The following NEIL3 variants were observed in gnomAD, a reference collection of about 807,000 sequenced individuals.
NEIL3 encodes the protein endonuclease 8-like 3.
NEIL3 carries 48 observed loss-of-function variants against 57.5 expected under a neutral mutation model. The observed-to-expected ratio is 0.83, with a 90% confidence interval of 0.66 to 1.06. The LOEUF (loss-of-function observed/expected upper bound fraction) is 1.06. Ranked by LOEUF, NEIL3 falls within the 50% of genes least tolerant of loss-of-function variation. The pLI is 0.00. For missense variants in NEIL3, 717 were observed against 739.1 expected (o/e 0.97, Z 0.35); for synonymous variants, 261 against 253.2 (o/e 1.03, Z -0.29).
chr4:177,310,933 A>G (rs900177354), intron 1 of NEIL3, among the ~76,000 whole-genome samples: 5 of 152,262 alleles, frequency 3.3e-5, no homozygotes, highest in African/African-American at 1.2e-4. Flanking sequence ...GCATATGCTT[A>G]CAACTTGAAA....
intron 1 of NEIL3, among the ~76,000 whole-genome samples, chr4:177,318,581 C>A (rs535324231): frequency 6.6e-6 from 1 of 152,230 alleles, no homozygotes; most frequent in East Asian, 1.9e-4. Context: ...TCCTCTTGTT[C>A]TCTGGGCCAT....
At chr4:177,367,801 C>T (rs1038504914), downstream of NEIL3, among the ~76,000 whole-genome samples, 3 of 152,186 alleles carry the variant, frequency 2.0e-5, no homozygotes, top group Admixed American at 6.5e-5. Context: ...ACAGTGATTT[C>T]GAGAGCCACT....
intron 1 of NEIL3, among the ~76,000 whole-genome samples, chr4:177,317,009 A>G (rs950865777): frequency 1.3e-5 from 2 of 152,190 alleles, no homozygotes; most frequent in Non-Finnish European, 2.9e-5. Flanking sequence ...ATTCTTAAAC[A>G]TATTCAAGCC....
chr4:177,314,776 G>T (rs1734541634), intron 1 of NEIL3, among the ~76,000 whole-genome samples: 1 of 151,996 alleles, frequency 6.6e-6, no homozygotes, highest in Non-Finnish European at 1.5e-5. Flanking sequence ...AGAGATCTCT[G>T]ATTAAAAAGT....
chr4:177,320,871 G>A lies in NEIL3; in HGVS notation c.157-1588G>A, dbSNP rs17064622. 4.5e-3 allele frequency among the ~76,000 whole-genome samples: 689 copies of A among 151,964 alleles called. 14 individuals carry two copies. The East Asian group carries it at 0.066, about 14-fold the overall frequency. ...AAAGGAGGGATATATAAAGCCAGTC[G>A]CCTGAACTTCAGGCAGTTGGAAAAT... On this transcript the variant is annotated intron_variant, in intron 1 of 9. Transcript: ENST00000264596.
chr4:177,310,686 A>G (rs574793887), intron 1 of NEIL3, among the ~76,000 whole-genome samples: 1 of 152,352 alleles, frequency 6.6e-6, no homozygotes, highest in East Asian at 1.9e-4. Flanking sequence ...TTCTTTTTAA[A>G]GTAAACTAGC....
chr4:177,314,994 A>G (rs948565503), intron 1 of NEIL3, among the ~76,000 whole-genome samples: 16 of 148,954 alleles, frequency 1.1e-4, no homozygotes, highest in African/African-American at 3.5e-4. Flanking sequence ...GCGTGAACCC[A>G]GGAGGTGGAG....
intron 6 of NEIL3, among the ~76,000 whole-genome samples, chr4:177,342,181 C>T (rs1735108826): frequency 6.6e-6 from 1 of 152,170 alleles, no homozygotes; most frequent in African/African-American, 2.4e-5. Flanking sequence ...GCTAAAACTC[C>T]ATTGATCACC....
intron 6 of NEIL3, among the ~76,000 whole-genome samples, chr4:177,341,894 T>G (rs1034352001): frequency 3.3e-5 from 5 of 152,148 alleles, no homozygotes; most frequent in African/African-American, 9.7e-5. Flanking sequence ...CCTTTACCTT[T>G]AACCTAGTTT....
downstream of NEIL3, among the ~76,000 whole-genome samples, chr4:177,366,450 G>A (rs550714044): frequency 6.6e-6 from 1 of 152,172 alleles, no homozygotes; most frequent in Non-Finnish European, 1.5e-5. Context: ...CCAGGCTGTA[G>A]TGCAGTGGCA....
intron 9 of NEIL3, among the ~76,000 whole-genome samples, chr4:177,361,241 G>A (rs1262702807): frequency 6.6e-6 from 1 of 152,150 alleles, no homozygotes; most frequent in Non-Finnish European, 1.5e-5. Context: ...TAAGATAGGA[G>A]ATAAGAACCT....
chr4:177,370,350 G>C, the NEIL3 span, among the ~76,000 whole-genome samples: 1 of 152,102 alleles, frequency 6.6e-6, no homozygotes, highest in African/African-American at 2.4e-5. Context: ...GGCTTCAAGT[G>C]CATGGAAACA....
chr4:177,358,310 T>G (rs550257283), intron 8 of NEIL3, among the ~76,000 whole-genome samples: 2 of 151,596 alleles, frequency 1.3e-5, no homozygotes, highest in East Asian at 3.9e-4. Flanking sequence ...TGTTGTTTTT[T>G]GTTTTTTGTT....
At chr4:177,319,939 A>T (rs549261981) in intron 1 of NEIL3, among the ~76,000 whole-genome samples, 1 of 152,290 alleles carries the variant, frequency 6.6e-6, no homozygotes, top group African/African-American at 2.4e-5. Context: ...AGTGGTGGGG[A>T]AACAAGGCTC....
At chr4:177,318,711 C>T (rs1157431246) in intron 1 of NEIL3, among the ~76,000 whole-genome samples, 1 of 152,142 alleles carries the variant, frequency 6.6e-6, no homozygotes, top group South Asian at 2.1e-4. Context: ...AATTGCAACC[C>T]GTTGCACCCT....
In NEIL3 at chr4:177,360,508, T is replaced by A; in HGVS notation, c.1466T>A (p.Leu489His). Residue 489 changes from leucine to histidine, a missense_variant, in exon 9 of 10, where the codon CTT (leucine) becomes CAT (histidine). By Grantham distance (99) the Leu-to-His change is moderately conservative. Coordinates refer to ENST00000264596, the MANE Select transcript of NEIL3 (RefSeq NM_018248.3). ...TTTGTAACCTGTCATTACAGTGAACTTCAAATTAATATGACAGATGGCCCT... is the reference window on the plus strand; with the variant it reads ...TTTGTAACCTGTCATTACAGTGAACATCAAATTAATATGACAGATGGCCCT... ...SCNPGYSNSE[L>H]QINMTDGPRT... is the part of the protein sequence containing the mutation. 1 of 1,613,456 alleles carries A rather than the reference T, an allele frequency of 6.2e-7. No individual in the cohort carries two copies. Among genetic ancestry groups the A allele is most frequent in the Non-Finnish European group, 8.5e-7 (1 of 1,179,586 alleles).
intron 1 of NEIL3, among the ~76,000 whole-genome samples, chr4:177,312,563 G>T (rs1003013005): frequency 6.6e-6 from 1 of 152,130 alleles, no homozygotes; most frequent in Non-Finnish European, 1.5e-5. Context: ...GCACAAAAGA[G>T]TGCAGCCTGA....
intron 1 of NEIL3, among the ~76,000 whole-genome samples, chr4:177,312,016 A>G (rs1487266616): frequency 6.6e-6 from 1 of 152,224 alleles, no homozygotes; most frequent in African/African-American, 2.4e-5. Context: ...CTGCTGTGAG[A>G]GTCCAACCTA....
chr4:177,362,790 T>C lies in NEIL3; in HGVS notation c.*319T>C, dbSNP rs35846365. 0.024 allele frequency: 4,077 copies of C among 171,256 alleles called. 95 individuals are homozygous for C. The highest frequency in any genetic ancestry group is 0.096 in the Middle Eastern group (40 of 416). 10.6% of individuals were successfully genotyped at this position (171,256 alleles called of 1,614,324 possible). A position where few individuals can be genotyped will look rare whatever the true frequency, so the allele number is the denominator to read the frequency against. ...TCTTGTAACTGGGGAGAAGCAGTGT[T>C]TTTTTTTTAGGAAAGGATTATGCGA... On this transcript the variant is annotated 3_prime_UTR_variant, in exon 10 of 10. Coordinates refer to ENST00000264596, the MANE Select transcript of NEIL3 (RefSeq NM_018248.3).
Sources: allele counts gnomAD v4.1 joint callset (sites outside exome capture counted in the v4.1 genomes callset), GRCh38; gene constraint gnomAD v4.1.1; transcripts MANE v1.5; gene names NCBI Gene and HGNC (gene_info 2026-07-23, HGNC 2026-07-21).